The following SPATA16 variants were observed in gnomAD, a reference collection of about 807,000 sequenced individuals.
The protein encoded by SPATA16 is spermatogenesis associated 16.
In SPATA16, 36 loss-of-function variants were observed where a neutral mutation model predicts 63.3. The observed-to-expected ratio is 0.57, with a 90% CI of 0.44 to 0.75. The LOEUF (loss-of-function observed/expected upper bound fraction) is 0.75. SPATA16 is among the 30% of genes least tolerant of loss of function. SPATA16 has a pLI of 0.00. For missense variants in SPATA16, 646 were observed against 679.3 expected, an observed-to-expected ratio of 0.95 and a Z score of 0.54; for synonymous variants, 203 against 216.7, an observed-to-expected ratio of 0.94 and a Z score of 0.56.
At chr3:173,132,887 AAT>A (rs1476097026) in intron 1 of SPATA16, among the ~76,000 whole-genome samples, 1 of 152,196 alleles carries the variant, frequency 6.6e-6, no homozygotes, top group Non-Finnish European at 1.5e-5. Flanking sequence ...TCAATATTCT[AAT>A]TCAGAGACCA....
At chr3:173,075,588 C>T (rs1176599077) in intron 2 of SPATA16, among the ~76,000 whole-genome samples, 1 of 152,082 alleles carries the variant, frequency 6.6e-6, no homozygotes, top group Non-Finnish European at 1.5e-5. Flanking sequence ...GAATATTATT[C>T]AGCCATAAAA....
At chr3:173,102,454 C>T (rs1418747733) in intron 2 of SPATA16, among the ~76,000 whole-genome samples, 2 of 152,268 alleles carry the variant, frequency 1.3e-5, no homozygotes, top group Non-Finnish European at 2.9e-5. Flanking sequence ...TCAGGGTGCT[C>T]TTACTTATGG....
At chr3:172,979,244 GA>G (rs34735050) in intron 4 of SPATA16, among the ~76,000 whole-genome samples, 13,357 of 144,806 alleles carry the variant, frequency 0.092, 752 homozygotes, top group East Asian at 0.16. Context: ...CTCAAAAAAA[GA>G]AAAAAAAAAA....
intron 4 of SPATA16, among the ~76,000 whole-genome samples, chr3:172,983,608 G>T (rs113151170): frequency 6.6e-6 from 1 of 151,934 alleles, no homozygotes; most frequent in Non-Finnish European, 1.5e-5. Context: ...ATGTATATAC[G>T]TTGTTAATTT....
intron 4 of SPATA16, among the ~76,000 whole-genome samples, chr3:172,989,434 TA>T (rs1253390725): frequency 1.3e-4 from 20 of 152,198 alleles, no homozygotes; most frequent in Admixed American, 1.3e-3. Flanking sequence ...TAATTTTGAA[TA>T]AATTATTTTT....
chr3:172,952,854 C>A (rs1012217932), intron 6 of SPATA16, among the ~76,000 whole-genome samples: 1 of 147,568 alleles, frequency 6.8e-6, no homozygotes, highest in Non-Finnish European at 1.5e-5. Flanking sequence ...GCAGGAGAAT[C>A]GCTTGAACCC....
chr3:172,897,253 A>G (rs1368407433), intron 10 of SPATA16, among the ~76,000 whole-genome samples: 12 of 152,128 alleles, frequency 7.9e-5, no homozygotes, highest in Admixed American at 7.9e-4. Context: ...TATAAAAACA[A>G]TCAGTACAGG....
chr3:172,922,862 C>T (rs1732643749), intron 8 of SPATA16, among the ~76,000 whole-genome samples: 1 of 152,068 alleles, frequency 6.6e-6, no homozygotes. Context: ...GTGGAGGTTG[C>T]AATGAGCCAA....
intron 4 of SPATA16, among the ~76,000 whole-genome samples, chr3:172,994,098 T>G (rs1175895340): frequency 6.6e-6 from 1 of 152,068 alleles, no homozygotes; most frequent in Non-Finnish European, 1.5e-5. Flanking sequence ...AGCTCCCCTT[T>G]TATTATGTAT....
At chr3:172,995,715 G>A (rs1734678357) in intron 4 of SPATA16, among the ~76,000 whole-genome samples, 2 of 151,940 alleles carry the variant, frequency 1.3e-5, no homozygotes, top group Admixed American at 1.3e-4. Flanking sequence ...AAACATAATG[G>A]ACTGAAAACA....
At chr3:173,100,121 G>A (rs60049056) in intron 2 of SPATA16, among the ~76,000 whole-genome samples, 17,528 of 152,110 alleles carry the variant, frequency 0.12, 1,051 homozygotes, top group African/African-American at 0.13. Context: ...CAATAACTCA[G>A]TTTTAAAGTA....
chr3:172,965,736 A>AT (rs1343370933), intron 5 of SPATA16, among the ~76,000 whole-genome samples: 1 of 151,570 alleles, frequency 6.6e-6, no homozygotes, highest in East Asian at 1.9e-4. Context: ...GGTTCAAGCG[A>AT]TTGTCTAATT....
At chr3:173,050,387 C>A (rs1736059885) in intron 2 of SPATA16, among the ~76,000 whole-genome samples, 1 of 151,972 alleles carries the variant, frequency 6.6e-6, no homozygotes, top group Non-Finnish European at 1.5e-5. Context: ...TCTTAAAACC[C>A]TTTATCAGTT....
intron 9 of SPATA16, 79 bp downstream of exon 9, chr3:172,916,238 T>TG: frequency 6.0e-6 from 9 of 1,512,584 alleles, no homozygotes; most frequent in Admixed American, 1.8e-5. Context: ...AGGATTTTTT[T>TG]TTTTTTTTTT....
chr3:173,105,130 C>G (rs569607144), intron 2 of SPATA16, among the ~76,000 whole-genome samples: 1 of 152,170 alleles, frequency 6.6e-6, no homozygotes, highest in Non-Finnish European at 1.5e-5. Flanking sequence ...ATCATATGCT[C>G]TACTATATAA....
chr3:173,054,578 G>A (rs1046427041), intron 2 of SPATA16, among the ~76,000 whole-genome samples: 8 of 151,916 alleles, frequency 5.3e-5, no homozygotes, highest in African/African-American at 1.7e-4. Context: ...AATGGGAGTC[G>A]AACACTGAGA....
In SPATA16 at chr3:172,956,698, A is replaced by G. The variant is rs964777837; in HGVS notation, c.1060T>C (p.Tyr354His). ...KDAFTKTHPAYAEYMYTDLQA... is the reference protein window; with the variant it reads ...KDAFTKTHPAHAEYMYTDLQA... The stretch of plus-strand genomic sequence containing the variant: ...TTACCTGTGTACATATACTCTGCAT[A>G]TGCAGGATGAGTTTTTGTGAAAGCA... The change falls in exon 6 of 11, where the codon TAT becomes CAT. Residue 354 changes from tyrosine to histidine, a missense_variant. Transcript: ENST00000351008. The G allele has an allele frequency of 3.7e-6, 6 of 1,612,224 alleles. No individual in the cohort carries two copies. In the African/African-American group the frequency reaches 5.3e-5, roughly 14 times the overall value.
intron 6 of SPATA16, among the ~76,000 whole-genome samples, chr3:172,955,011 A>G (rs1392970729): frequency 1.3e-5 from 2 of 152,200 alleles, no homozygotes; most frequent in Non-Finnish European, 2.9e-5. Context: ...GTAACTTATA[A>G]TTATCTTCTC....
intron 4 of SPATA16, among the ~76,000 whole-genome samples, chr3:172,987,412 A>G (rs1560088950): frequency 6.6e-6 from 1 of 152,124 alleles, no homozygotes; most frequent in Non-Finnish European, 1.5e-5. Context: ...GTCCCACCAT[A>G]TCCCGGGTCA....
Sources: allele counts gnomAD v4.1 joint callset (sites outside exome capture counted in the v4.1 genomes callset), GRCh38; gene constraint gnomAD v4.1.1; transcripts MANE v1.5; gene names NCBI Gene and HGNC (gene_info 2026-07-23, HGNC 2026-07-21).